The following MGAT4A variants were observed in gnomAD, a reference collection of about 807,000 sequenced individuals.
The protein encoded by MGAT4A is N-acetylglucosaminyltransferase IVa.
Under a neutral mutation model 74.1 loss-of-function variants are expected in MGAT4A, and 33 were observed. The ratio of observed to expected loss-of-function variants is 0.45; its 90% CI spans 0.34 to 0.60. MGAT4A has a LOEUF of 0.60. MGAT4A is among the 20% of genes least tolerant of loss of function. The pLI, the probability that MGAT4A is intolerant of heterozygous loss-of-function variation, is 0.02. For missense variants in MGAT4A, 479 were observed against 628.3 expected, an observed-to-expected ratio of 0.76 and a Z score of 2.54; for synonymous variants, 198 against 210.4, an observed-to-expected ratio of 0.94 and a Z score of 0.51.
In MGAT4A at chr2:98,685,662, A is replaced by T. The variant is rs533491623; in HGVS notation, c.95-7191T>A. Among the ~76,000 whole-genome samples, 5 of 152,368 alleles carry T rather than the reference A, an allele frequency of 3.3e-5. No individual in the cohort carries two copies. The South Asian group carries it at 1.0e-3, about 32-fold the overall frequency. On this transcript the variant is annotated intron_variant, in intron 2 of 15. Coordinates refer to ENST00000393487, the MANE Select transcript of MGAT4A (RefSeq NM_012214.3). The stretch of plus-strand genomic sequence containing the variant: ...GAACAGAACTTGAACAGACAATTCT[A>T]ATTAGAATGGATAGCTAAAACTTAC...
At chr2:98,635,609 C>T (rs1326919146) in intron 13 of MGAT4A, among the ~76,000 whole-genome samples, 3 of 152,000 alleles carry the variant, frequency 2.0e-5, no homozygotes, top group African/African-American at 7.2e-5. Flanking sequence ...TCCTTAGAGA[C>T]CAATAAATTA....
chr2:98,707,897 T>A (rs1156303041), intron 2 of MGAT4A, among the ~76,000 whole-genome samples: 1 of 152,138 alleles, frequency 6.6e-6, no homozygotes, highest in African/African-American at 2.4e-5. Flanking sequence ...CAGTGAGACA[T>A]CTGTTTGAAT....
chr2:98,727,684 C>G (rs1265065906), intron 1 of MGAT4A, among the ~76,000 whole-genome samples: 1 of 152,200 alleles, frequency 6.6e-6, no homozygotes, highest in African/African-American at 2.4e-5. Context: ...GGGAAGAGCA[C>G]AACCGATTCA....
At position 98,620,101 on chromosome 2, in the gene MGAT4A, GTGT is replaced by G. The variant is rs773471408; in HGVS notation, c.*5462_*5464del. On this transcript the variant is annotated 3_prime_UTR_variant, in exon 16 of 16. Transcript: ENST00000393487. ...GTTAGTGCCCAAACCGGGTGAAGGA[GTGT>G]TTCAGGTAAGAAGAAGAGTTTATAT... 2 of 152,188 alleles carry G rather than the reference GTGT, an allele frequency of 1.3e-5. No homozygotes were observed. Among genetic ancestry groups the G allele is most frequent in the Non-Finnish European group, 2.9e-5 (2 of 68,038 alleles). 9.4% of individuals were successfully genotyped at this position (152,188 alleles called of 1,614,324 possible). A position where few individuals can be genotyped will look rare whatever the true frequency, so the allele number is the denominator to read the frequency against.
chr2:98,709,396 C>T (rs1398058505), intron 2 of MGAT4A, among the ~76,000 whole-genome samples: 1 of 151,950 alleles, frequency 6.6e-6, no homozygotes, highest in Admixed American at 6.6e-5. Flanking sequence ...AAGGGGAAAA[C>T]AGGAATGGAC....
chr2:98,648,899 G>A (rs994737701), intron 8 of MGAT4A, among the ~76,000 whole-genome samples: 1 of 101,120 alleles, frequency 9.9e-6, no homozygotes, highest in African/African-American at 7.9e-5. Context: ...AACCCAGTAT[G>A]GTGGTGCATG....
chr2:98,624,428 A>G lies in MGAT4A; in HGVS notation c.*1138T>C. The G allele has an allele frequency of 1.0e-6, 1 of 963,990 alleles. No homozygotes were observed. The highest frequency in any genetic ancestry group is 1.2e-6 in the Non-Finnish European group (1 of 810,514). 59.7% of individuals were successfully genotyped at this position (963,990 alleles called of 1,614,324 possible). On this transcript the variant is annotated 3_prime_UTR_variant, in exon 16 of 16. Transcript: ENST00000393487. Reference sequence around the variant, plus strand: ...AATAGCGTGTTTAAGAGTAATAAATACAGTCTCTTGGACACGGGACTCACT... The same window carrying G: ...AATAGCGTGTTTAAGAGTAATAAATGCAGTCTCTTGGACACGGGACTCACT...
chr2:98,622,766 A>G lies in MGAT4A; in HGVS notation c.*2800T>C. On this transcript the variant is annotated 3_prime_UTR_variant, in exon 16 of 16. Transcript: ENST00000393487. Reference sequence around the variant, plus strand: ...TCAGGAACCTGAAATCTGGTCAGAGAGACAGCACACACCATACACACAAAC... The same window carrying G: ...TCAGGAACCTGAAATCTGGTCAGAGGGACAGCACACACCATACACACAAAC... 1 of 985,764 alleles carries G rather than the reference A, an allele frequency of 1.0e-6. No homozygotes were observed. 61.1% of individuals were successfully genotyped at this position (985,764 alleles called of 1,614,324 possible).
intron 4 of MGAT4A, 104 bp from the exon 5 acceptor site, chr2:98,663,283 C>G: frequency 6.5e-7 from 1 of 1,529,430 alleles, no homozygotes; most frequent in South Asian, 1.2e-5. Context: ...ATAGGAATAA[C>G]TGATGGATCA....
rs955297725 is a variant in MGAT4A, at chr2:98,628,478, A to G, written c.1469-2643T>C. On this transcript the variant is annotated intron_variant, in intron 14 of 15. Transcript: ENST00000393487. ...GGTAAGTGGTTTTTCTTGCTTAGCTAAAAAATAAGCCACTTGAAATACCAC... is the reference window on the plus strand; with the variant it reads ...GGTAAGTGGTTTTTCTTGCTTAGCTGAAAAATAAGCCACTTGAAATACCAC... 1.1e-4 allele frequency among the ~76,000 whole-genome samples: 17 copies of G among 152,336 alleles called. 1 individual carries two copies. Among genetic ancestry groups the G allele is most frequent in the African/African-American group, 4.1e-4 (17 of 41,586 alleles).
At chr2:98,626,232 G>A (rs989358937) in intron 14 of MGAT4A, among the ~76,000 whole-genome samples, 3 of 152,126 alleles carry the variant, frequency 2.0e-5, no homozygotes, top group African/African-American at 7.2e-5. Flanking sequence ...AACAAATTTT[G>A]ATTTGTTAAT....
intron 14 of MGAT4A, among the ~76,000 whole-genome samples, chr2:98,629,940 G>T (rs1485286998): frequency 6.6e-6 from 1 of 152,168 alleles, no homozygotes; most frequent in African/African-American, 2.4e-5. Flanking sequence ...AGCTAATTGG[G>T]AGGCTGAGGC....
intron 4 of MGAT4A, among the ~76,000 whole-genome samples, chr2:98,666,092 A>C (rs1174360402): frequency 6.6e-6 from 1 of 152,208 alleles, no homozygotes; most frequent in Non-Finnish European, 1.5e-5. Context: ...GCACTTTGGA[A>C]GAGTGGTTAG....
intron 2 of MGAT4A, among the ~76,000 whole-genome samples, chr2:98,709,599 A>G (rs1702488030): frequency 6.6e-6 from 1 of 152,244 alleles, no homozygotes; most frequent in South Asian, 2.1e-4. Context: ...CATGGTAGCC[A>G]ACCACTGGAC....
At chr2:98,724,616 T>A (rs1255869404) in intron 2 of MGAT4A, among the ~76,000 whole-genome samples, 2 of 152,226 alleles carry the variant, frequency 1.3e-5, no homozygotes, top group Non-Finnish European at 2.9e-5. Flanking sequence ...TTTATTTTTT[T>A]AATTAATTTT....
intron 8 of MGAT4A, among the ~76,000 whole-genome samples, chr2:98,648,318 G>T (rs528496079): frequency 6.6e-6 from 1 of 152,264 alleles, no homozygotes; most frequent in East Asian, 1.9e-4. Flanking sequence ...GGCCAACATG[G>T]TGAAACCCTG....
At chr2:98,647,314 ATTTTTAT>A (rs1284099192) in intron 8 of MGAT4A, among the ~76,000 whole-genome samples, 2 of 151,398 alleles carry the variant, frequency 1.3e-5, no homozygotes, top group African/African-American at 2.4e-5. Flanking sequence ...CTCTTTTTTT[ATTTTTAT>A]TTTTTATTTT....
Position 98,622,903 on chromosome 2 carries a change from C to T in MGAT4A, c.*2663G>A. 1.0e-6 allele frequency: 1 copy of T among 986,258 alleles called. No individual in the cohort carries two copies. The highest frequency in any genetic ancestry group is 1.7e-5 in the African/African-American group (1 of 57,358). The allele number at this position is 986,258 out of a possible 1,614,324, so 61.1% of individuals were successfully genotyped here. A position where few individuals can be genotyped will look rare whatever the true frequency, so the allele number is the denominator to read the frequency against. On this transcript the variant is annotated 3_prime_UTR_variant, in exon 16 of 16. Transcript: ENST00000393487. ...ACATGGTGGCACACACCTATAATCC[C>T]AGCACTTTGGGAGGCTGAGGCAGGA...
intron 14 of MGAT4A, 112 bp from the exon 15 acceptor site, chr2:98,625,947 T>C (rs1046209830): frequency 3.2e-6 from 2 of 626,344 alleles, no homozygotes; most frequent in African/African-American, 3.7e-5. Context: ...AGATGTCTTT[T>C]GACAGGGCAC....
Sources: gnomAD v4.1 joint callset for allele counts (sites outside exome capture counted in the v4.1 genomes callset) on GRCh38, gnomAD v4.1.1 for gene constraint, MANE v1.5 for transcripts, NCBI Gene and HGNC (gene_info 2026-07-23, HGNC 2026-07-21) for gene names.